Variants in TMEM132B observed in about 807,000 individuals in gnomAD.
TMEM132B encodes transmembrane protein 132B.
TMEM132B carries 18 observed loss-of-function variants against 90.8 expected under a neutral mutation model. That is an observed-to-expected ratio of 0.20 (90% CI 0.14 to 0.29). The LOEUF (loss-of-function observed/expected upper bound fraction) is 0.29. Among genes scored for constraint, TMEM132B ranks in the 10% least tolerant of loss-of-function variants. TMEM132B has a pLI of 1.00. For missense variants in TMEM132B, 1,096 were observed against 1,326.8 expected, an observed-to-expected ratio of 0.83 and a Z score of 2.70; for synonymous variants, 504 against 523.3, an observed-to-expected ratio of 0.96 and a Z score of 0.50.
chr12:125,486,071 C>A (rs1272549678), intron 3 of TMEM132B, among the ~76,000 whole-genome samples: 1 of 152,112 alleles, frequency 6.6e-6, no homozygotes, highest in Non-Finnish European at 1.5e-5. Context: ...TATAGACACT[C>A]ATAAGATTAC....
At chr12:125,211,279 T>C (rs1418278014) in intron 1 of TMEM132B, among the ~76,000 whole-genome samples, 1 of 152,184 alleles carries the variant, frequency 6.6e-6, no homozygotes, top group African/African-American at 2.4e-5. Context: ...CAATTTGAGA[T>C]ATTTGTTTCC....
intron 1 of TMEM132B, among the ~76,000 whole-genome samples, chr12:125,190,800 G>T (rs564638155): frequency 4.0e-5 from 1 of 24,860 alleles, no homozygotes. Flanking sequence ...GGTGGTGATG[G>T]TGATGGGGAA....
chr12:125,478,059 A>G (rs1881934548), intron 3 of TMEM132B, among the ~76,000 whole-genome samples: 1 of 152,214 alleles, frequency 6.6e-6, no homozygotes, highest in Non-Finnish European at 1.5e-5. Context: ...AATGGAAAGG[A>G]ATAGCATCAA....
At chr12:125,472,549 G>A (rs1881751453) in intron 3 of TMEM132B, among the ~76,000 whole-genome samples, 1 of 152,180 alleles carries the variant, frequency 6.6e-6, no homozygotes, top group South Asian at 2.1e-4. Flanking sequence ...TCTATGAGGA[G>A]AATGTGTGCT....
rs1344730651 is a variant in TMEM132B, at chr12:125,417,973, G to C, written c.1106+2296G>C. Among the ~76,000 whole-genome samples, 3 of 152,188 alleles carry C rather than the reference G, an allele frequency of 2.0e-5. No homozygotes were observed. The East Asian group carries it at 5.8e-4, about 29-fold the overall frequency. On this transcript the variant is annotated intron_variant, in intron 3 of 8. Transcript: ENST00000682704. ...GTGGGGGAGGGATTGTTGGTGGGCA[G>C]CAGATGCTGATGGGGACAGGAGATG...
rs1566026204 is a variant in TMEM132B, at chr12:125,409,647, AGT to A, written c.960-5882_960-5881del. 1.4e-3 allele frequency among the ~76,000 whole-genome samples: 75 copies of A among 55,554 alleles called. 5 individuals carry two copies. The highest frequency in any genetic ancestry group is 3.9e-3 in the East Asian group (8 of 2,038). 36.4% of individuals were successfully genotyped at this position (55,554 alleles called of 152,430 possible). On this transcript the variant is annotated intron_variant, in intron 2 of 8. Coordinates refer to ENST00000682704, the MANE Select transcript of TMEM132B (RefSeq NM_001366854.1). ...GGAGTGGAGTGGAGTGGAGGAGTGG[AGT>A]GGAGTGGAGTGGAGTGAGTGGAGTG...
At position 125,363,220 on chromosome 12, in the gene TMEM132B, A is replaced by G. The variant is rs149866505; in HGVS notation, c.959+12877A>G. On this transcript the variant is annotated intron_variant, in intron 2 of 8. Transcript: ENST00000682704. ...AATAAAGTTAAAAAATGAAGGCTCA[A>G]TTGAACAAGGGTCCCCAGAGTTGCC... Among the ~76,000 whole-genome samples the G allele has an allele frequency of 1.3e-3, 199 of 152,280 alleles. 4 individuals are homozygous for G. The East Asian group carries it at 0.035, about 27-fold the overall frequency.
At chr12:125,439,549 C>G (rs887580220) in intron 3 of TMEM132B, among the ~76,000 whole-genome samples, 3 of 152,152 alleles carry the variant, frequency 2.0e-5, no homozygotes, top group Non-Finnish European at 4.4e-5. Flanking sequence ...AGTTGTTTAT[C>G]AGCTGAAGGA....
chr12:125,454,376 G>GTGTT (rs1566041122), intron 3 of TMEM132B, among the ~76,000 whole-genome samples: 3 of 104,918 alleles, frequency 2.9e-5, no homozygotes, highest in Admixed American at 1.1e-4. Flanking sequence ...ACAGCCAGCC[G>GTGTT]TGTGTGTGTG....
At chr12:125,526,462 A>C (rs2136679259) in intron 4 of TMEM132B, among the ~76,000 whole-genome samples, 1 of 152,296 alleles carries the variant, frequency 6.6e-6, no homozygotes, top group African/African-American at 2.4e-5. Context: ...TGGGGGAATG[A>C]GGGTCTGGCC....
At chr12:125,236,148 G>T in intron 1 of TMEM132B, among the ~76,000 whole-genome samples, 1 of 89,252 alleles carries the variant, frequency 1.1e-5, no homozygotes, top group East Asian at 2.8e-4. Context: ...TTGTTTGTTT[G>T]TTTTTTTGTT....
At chr12:125,367,428 G>A (rs1215450450) in intron 2 of TMEM132B, among the ~76,000 whole-genome samples, 1 of 152,142 alleles carries the variant, frequency 6.6e-6, no homozygotes, top group Non-Finnish European at 1.5e-5. Context: ...CATGCTTTGA[G>A]ACTGATCTGC....
rs754942453 is a variant in TMEM132B, at chr12:125,650,740, C to T, written c.1701C>T (p.Ser567=). 29 of 1,614,004 alleles carry T rather than the reference C, an allele frequency of 1.8e-5. No individual in the cohort carries two copies. The highest frequency in any genetic ancestry group is 2.4e-5 in the Non-Finnish European group (28 of 1,179,952). ...DDEEKKGRGC[S]LQYQHATVRV... ...AGGAGAAGAAGGGACGAGGCTGCTCCCTGCAGTACCAGCACGCCACAGTGC... is the reference window on the plus strand; with the variant it reads ...AGGAGAAGAAGGGACGAGGCTGCTCTCTGCAGTACCAGCACGCCACAGTGC... Residue 567 remains serine (S), a synonymous_variant, in exon 7 of 9, where the codon TCC becomes TCT. Coordinates refer to ENST00000682704, the MANE Select transcript of TMEM132B (RefSeq NM_001366854.1).
Position 125,432,397 on chromosome 12 carries a change from A to G in TMEM132B, c.1106+16720A>G, listed in dbSNP as rs866511204. On this transcript the variant is annotated intron_variant, in intron 3 of 8. Transcript: ENST00000682704. ...TATATATATATATATATATATATAT[A>G]TGTATGTATGTGTATATATATATAT... is the stretch of plus-strand genomic sequence containing the variant. Among the ~76,000 whole-genome samples, 204 of 68,310 alleles carry G rather than the reference A, an allele frequency of 3.0e-3. 54 individuals are homozygous for G. The highest frequency in any genetic ancestry group is 8.2e-3 in the African/African-American group (126 of 15,430). The allele number at this position is 68,310 out of a possible 152,430, so 44.8% of individuals were successfully genotyped here. A position where few individuals can be genotyped will look rare whatever the true frequency, so the allele number is the denominator to read the frequency against.
chr12:125,408,242 T>C lies in TMEM132B; in HGVS notation c.960-7289T>C, dbSNP rs1466489786. On this transcript the variant is annotated intron_variant, in intron 2 of 8. Coordinates refer to ENST00000682704, the MANE Select transcript of TMEM132B (RefSeq NM_001366854.1). The surrounding 1 kb of genome is among the most constrained non-coding windows in gnomAD (Gnocchi z 5.9). ...TGCTGTATAGTGTTCCACTGTGAGATGTTACGCTTTACCAGTTCCGTTGTC... is the reference window on the plus strand; with the variant it reads ...TGCTGTATAGTGTTCCACTGTGAGACGTTACGCTTTACCAGTTCCGTTGTC... Among the ~76,000 whole-genome samples, 1 of 152,210 alleles carries C rather than the reference T, an allele frequency of 6.6e-6. No homozygotes were observed. The highest frequency in any genetic ancestry group is 1.9e-4 in the East Asian group (1 of 5,190).
At position 125,407,549 on chromosome 12, in the gene TMEM132B, T is replaced by C. The variant is rs1879536319; in HGVS notation, c.960-7982T>C. Among the ~76,000 whole-genome samples the C allele has an allele frequency of 6.6e-6, 1 of 152,228 alleles. No homozygotes were observed. On this transcript the variant is annotated intron_variant, in intron 2 of 8. Coordinates refer to ENST00000682704, the MANE Select transcript of TMEM132B (RefSeq NM_001366854.1). The surrounding 1 kb of genome is among the most constrained non-coding windows in gnomAD (Gnocchi z 6.7). ...TGTCCCTGCTGGGTAGAGGCTGGCCTGGAGTCCAGTTGTCTTTCTTTTGAC... is the reference window on the plus strand; with the variant it reads ...TGTCCCTGCTGGGTAGAGGCTGGCCCGGAGTCCAGTTGTCTTTCTTTTGAC...
At chr12:125,377,352 A>G (rs1279534513) in intron 2 of TMEM132B, among the ~76,000 whole-genome samples, 2 of 152,160 alleles carry the variant, frequency 1.3e-5, no homozygotes, top group Non-Finnish European at 2.9e-5. Flanking sequence ...AGGGCAGGGA[A>G]CTTTGGATTG....
intron 1 of TMEM132B, among the ~76,000 whole-genome samples, chr12:125,226,720 A>AGTGG (rs1356901948): frequency 1.3e-5 from 2 of 152,192 alleles, no homozygotes; most frequent in African/African-American, 2.4e-5. Flanking sequence ...TCATCTGTAA[A>AGTGG]GTGGGGTAAA....
chr12:125,198,481 G>C (rs1872978764), intron 1 of TMEM132B, among the ~76,000 whole-genome samples: 1 of 152,180 alleles, frequency 6.6e-6, no homozygotes, highest in Non-Finnish European at 1.5e-5. Flanking sequence ...CCTCCAACCA[G>C]CGGAAATAGA....
Sources: gnomAD v4.1 joint callset for allele counts (sites outside exome capture counted in the v4.1 genomes callset) on GRCh38, gnomAD v4.1.1 for gene constraint, Gnocchi (gnomAD v3.1) non-coding constraint, MANE v1.5 for transcripts, NCBI Gene and HGNC (gene_info 2026-07-23, HGNC 2026-07-21) for gene names.